MED27: variants seen among roughly 807,000 people sequenced by gnomAD.
The protein encoded by MED27 is mediator of RNA polymerase II transcription subunit 27.
In MED27, 30 loss-of-function variants were observed where a neutral mutation model predicts 38.2. The ratio of observed to expected loss-of-function variants is 0.79; its 90% CI spans 0.59 to 1.07. The LOEUF (loss-of-function observed/expected upper bound fraction) is 1.07. Among genes scored for constraint, MED27 ranks in the 50% least tolerant of loss-of-function variants. The pLI, the probability that MED27 is intolerant of heterozygous loss-of-function variation, is 0.00. For missense variants in MED27, 289 were observed against 397.5 expected (o/e 0.73, Z 2.32); for synonymous variants, 122 against 153.5 (o/e 0.79, Z 1.52).
intron 3 of MED27, among the ~76,000 whole-genome samples, chr9:131,978,940 T>C (rs1033269588): frequency 1.3e-5 from 2 of 152,242 alleles, no homozygotes; most frequent in African/African-American, 2.4e-5. Flanking sequence ...TCTCCCACTT[T>C]CCTTGCTCTT....
intron 2 of MED27, among the ~76,000 whole-genome samples, chr9:132,063,264 C>T (rs1833737565): frequency 6.6e-6 from 1 of 152,122 alleles, no homozygotes; most frequent in Non-Finnish European, 1.5e-5. Flanking sequence ...TAAAGCAGTT[C>T]CCCCAGAAAC....
chr9:132,006,890 AAAC>A (rs1369855780), intron 3 of MED27, among the ~76,000 whole-genome samples: 2 of 152,232 alleles, frequency 1.3e-5, no homozygotes, highest in Admixed American at 6.5e-5. Context: ...ATCAAGCAAA[AAAC>A]AACATGAGCC....
At chr9:132,024,212 G>A (rs554443031) in intron 2 of MED27, among the ~76,000 whole-genome samples, 115 of 152,312 alleles carry the variant, frequency 7.6e-4, no homozygotes, top group Non-Finnish European at 1.4e-3. Flanking sequence ...ATCTTGTAAG[G>A]AGAGAGTTGT....
chr9:132,032,699 T>G (rs1419195350), intron 2 of MED27, among the ~76,000 whole-genome samples: 1 of 152,172 alleles, frequency 6.6e-6, no homozygotes, highest in African/African-American at 2.4e-5. Context: ...CAGGAAGGAA[T>G]GCAGAATGCC....
intron 2 of MED27, among the ~76,000 whole-genome samples, chr9:132,059,881 A>G (rs1410183952): frequency 6.6e-6 from 1 of 152,208 alleles, no homozygotes; most frequent in African/African-American, 2.4e-5. Flanking sequence ...CATACTCCTC[A>G]GAGCTAACAC....
chr9:132,023,268 C>A (rs1330929835), intron 2 of MED27, among the ~76,000 whole-genome samples: 3 of 152,108 alleles, frequency 2.0e-5, no homozygotes, highest in African/African-American at 7.2e-5. Context: ...CATCACTGGA[C>A]ATTTCTATGT....
intron 3 of MED27, among the ~76,000 whole-genome samples, chr9:131,969,430 T>C (rs1191612475): frequency 2.0e-5 from 3 of 152,224 alleles, no homozygotes. Flanking sequence ...GGAGGTTTCT[T>C]CTTGCATTTT....
At chr9:132,041,089 A>C (rs1833200027) in intron 2 of MED27, among the ~76,000 whole-genome samples, 1 of 152,230 alleles carries the variant, frequency 6.6e-6, no homozygotes, top group Non-Finnish European at 1.5e-5. Flanking sequence ...AAGAACAAGA[A>C]AGAGGAAATA....
chr9:131,932,542 T>C (rs191015905), intron 4 of MED27, among the ~76,000 whole-genome samples: 1 of 151,742 alleles, frequency 6.6e-6, no homozygotes, highest in African/African-American at 2.4e-5. Context: ...CATAGACACA[T>C]ACAACCTACC....
chr9:131,922,639 T>C (rs1376844228), intron 4 of MED27, among the ~76,000 whole-genome samples: 2 of 151,826 alleles, frequency 1.3e-5, no homozygotes, highest in Non-Finnish European at 2.9e-5. Context: ...TTTTTTCTTT[T>C]CTTTTATTAT....
chr9:131,891,930 G>A (rs773914828), intron 5 of MED27, among the ~76,000 whole-genome samples: 23 of 152,140 alleles, frequency 1.5e-4, no homozygotes, highest in Non-Finnish European at 2.5e-4. Context: ...AGCCTAGACC[G>A]GCGGGATGAA....
chr9:131,866,268 G>T (rs533673140), intron 6 of MED27, among the ~76,000 whole-genome samples: 1 of 152,308 alleles, frequency 6.6e-6, no homozygotes, highest in African/African-American at 2.4e-5. Context: ...GGCTGAACTT[G>T]AGTTCTCCAA....
intron 2 of MED27, among the ~76,000 whole-genome samples, chr9:132,076,039 T>C (rs1050084905): frequency 6.6e-6 from 1 of 152,190 alleles, no homozygotes; most frequent in Non-Finnish European, 1.5e-5. Context: ...GAGCCTGACA[T>C]GGACACTGGG....
At chr9:131,916,427 G>T (rs994748234) in intron 4 of MED27, among the ~76,000 whole-genome samples, 1 of 152,190 alleles carries the variant, frequency 6.6e-6, no homozygotes, top group Non-Finnish European at 1.5e-5. Context: ...AAAGCTTATG[G>T]GTCAGGAAGA....
Position 131,861,392 on chromosome 9 carries a change from G to A in MED27, c.802-720C>T, listed in dbSNP as rs187240917. Among the ~76,000 whole-genome samples the A allele has an allele frequency of 5.3e-5, 8 of 152,264 alleles. No homozygotes were observed. The highest frequency in any genetic ancestry group is 2.6e-4 in the Admixed American group (4 of 15,296). The stretch of plus-strand genomic sequence containing the variant: ...TAAAACAGCAGGCAAGCAAGTTCTC[G>A]CGGTGAAAGGGCACGTGAATCTTGT... On this transcript the variant is annotated intron_variant, in intron 7 of 7. Coordinates refer to ENST00000292035, the MANE Select transcript of MED27 (RefSeq NM_004269.4). The surrounding 1 kb of genome is among the most constrained non-coding windows in gnomAD (Gnocchi z 4.4).
intron 3 of MED27, among the ~76,000 whole-genome samples, chr9:132,002,331 A>G (rs1010715848): frequency 6.6e-6 from 1 of 152,218 alleles, no homozygotes. Context: ...ATTATTAAGA[A>G]TTCCTGTGTA....
At chr9:132,060,561 G>C (rs558768028) in intron 2 of MED27, among the ~76,000 whole-genome samples, 75 of 152,174 alleles carry the variant, frequency 4.9e-4, no homozygotes, top group Non-Finnish European at 8.4e-4. Context: ...TTCAAGGGCC[G>C]CCCTTTCCAA....
intron 4 of MED27, among the ~76,000 whole-genome samples, chr9:131,896,977 G>A (rs1316841632): frequency 3.9e-5 from 6 of 152,298 alleles, no homozygotes; most frequent in South Asian, 2.1e-4. Context: ...TGGTCCGCCC[G>A]CCTTGGCCTC....
At chr9:131,942,949 T>G (rs752452561) in intron 3 of MED27, among the ~76,000 whole-genome samples, 23 of 152,146 alleles carry the variant, frequency 1.5e-4, no homozygotes, top group Non-Finnish European at 3.4e-4. Context: ...AAAAATAAGT[T>G]CCTAGGAAAA....
Sources: allele counts gnomAD v4.1 joint callset (sites outside exome capture counted in the v4.1 genomes callset), GRCh38; gene constraint gnomAD v4.1.1; non-coding constraint Gnocchi (gnomAD v3.1); transcripts MANE v1.5; gene names NCBI Gene and HGNC (gene_info 2026-07-23, HGNC 2026-07-21).